Variants in PEX14 observed in about 807,000 individuals in gnomAD.
PEX14 encodes the protein peroxisomal membrane protein PEX14.
In PEX14, 15 loss-of-function variants were observed where a neutral mutation model predicts 49.5. That is an observed-to-expected ratio of 0.30 (90% CI 0.20 to 0.47). The LOEUF is 0.47. Ranked by LOEUF, PEX14 falls within the 20% of genes least tolerant of loss-of-function variation. PEX14 has a pLI of 1.00. For missense variants in PEX14, 398 were observed against 494.8 expected (o/e 0.80, Z 1.86); for synonymous variants, 210 against 212.7 (o/e 0.99, Z 0.11).
At position 10,624,426 on chromosome 1, in the gene PEX14, G is replaced by A. The variant is rs1302361139; in HGVS notation, c.574G>A (p.Ala192Thr). The A allele has an allele frequency of 6.2e-7, 1 of 1,609,818 alleles. No individual in the cohort carries two copies. The highest frequency in any genetic ancestry group is 1.3e-5 in the African/African-American group (1 of 74,848). ...GATCCAGGAGCTTGCCCACGAGCTGGCCGCTGCCAAGGTACCTGTCTCTGC... is the reference window on the plus strand; with the variant it reads ...GATCCAGGAGCTTGCCCACGAGCTGACCGCTGCCAAGGTACCTGTCTCTGC... ...QKIQELAHEL[A>T]AAKATTSTNW... Residue 192 changes from alanine (A) to threonine (T), a missense_variant, in exon 7 of 9, where the codon GCC becomes ACC. Physicochemically the swap from Ala to Thr is moderately conservative, Grantham distance 58. Transcript: ENST00000356607.
In PEX14 at chr1:10,613,282, T is replaced by C. The variant is rs1170800370; in HGVS notation, c.299-5050T>C. 6.6e-6 allele frequency among the ~76,000 whole-genome samples: 1 copy of C among 152,224 alleles called. No individual in the cohort carries two copies. Among genetic ancestry groups the C allele is most frequent in the Non-Finnish European group, 1.5e-5 (1 of 68,038 alleles). ...AAGAAACAGAGTCATGTTGGTTTTG[T>C]TGGTGTTCAGTGAATAGTTAGGAGC... On this transcript the variant is annotated intron_variant, in intron 4 of 8. Transcript: ENST00000356607. The surrounding 1 kb of genome is among the most constrained non-coding windows in gnomAD (Gnocchi z 5.0).
At chr1:10,567,549 A>G (rs1048379529) in intron 3 of PEX14, among the ~76,000 whole-genome samples, 2 of 152,178 alleles carry the variant, frequency 1.3e-5, no homozygotes, top group African/African-American at 4.8e-5. Context: ...ATTGGAGGGC[A>G]GTGGCATGAT....
At chr1:10,600,995 C>T (rs1238009812) in intron 4 of PEX14, among the ~76,000 whole-genome samples, 1 of 151,962 alleles carries the variant, frequency 6.6e-6, no homozygotes, top group Non-Finnish European at 1.5e-5. Flanking sequence ...GGCGCGGTGG[C>T]TCACGCCTGT....
intron 3 of PEX14, among the ~76,000 whole-genome samples, chr1:10,557,687 T>G (rs758528676): frequency 1.3e-5 from 2 of 152,192 alleles, no homozygotes; most frequent in Non-Finnish European, 2.9e-5. Flanking sequence ...TTTAAAAAGG[T>G]GATTTCAGCT....
chr1:10,592,142 C>T (rs1250811062), intron 3 of PEX14, among the ~76,000 whole-genome samples: 1 of 152,152 alleles, frequency 6.6e-6, no homozygotes. Flanking sequence ...TTTGACTTTT[C>T]CATGCATGCA....
intron 5 of PEX14, 144 bp downstream of exon 5, chr1:10,618,561 G>T: frequency 1.4e-6 from 1 of 728,044 alleles, no homozygotes; most frequent in South Asian, 1.5e-5. Flanking sequence ...TAGAGGTCGG[G>T]GTTCACAGCT....
At chr1:10,562,645 T>TTGTTCTGTGATTTCACTTTGATC (rs1639682132) in intron 3 of PEX14, among the ~76,000 whole-genome samples, 1 of 152,230 alleles carries the variant, frequency 6.6e-6, no homozygotes, top group Non-Finnish European at 1.5e-5. Flanking sequence ...TGATTTTGAT[T>TTGTTCTGTGATTTCACTTTGATC]TGTTCTGTGA....
intron 3 of PEX14, among the ~76,000 whole-genome samples, chr1:10,590,141 A>G (rs1327044933): frequency 6.6e-6 from 1 of 152,028 alleles, no homozygotes; most frequent in East Asian, 1.9e-4. Context: ...TTCCCCTGTA[A>G]ATGGGGAGAA....
intron 4 of PEX14, among the ~76,000 whole-genome samples, chr1:10,606,520 G>T (rs1167145859): frequency 1.4e-5 from 2 of 146,828 alleles, no homozygotes; most frequent in Non-Finnish European, 3.0e-5. Flanking sequence ...TAAATACTGG[G>T]TTTAGGATAA....
chr1:10,506,540 G>T (rs1271435603), intron 2 of PEX14, among the ~76,000 whole-genome samples: 1 of 152,230 alleles, frequency 6.6e-6, no homozygotes, highest in African/African-American at 2.4e-5. Context: ...GCCTCCCAAA[G>T]TTCTGGGATT....
At chr1:10,625,254 G>C (rs542010966) in intron 7 of PEX14, among the ~76,000 whole-genome samples, 3 of 152,102 alleles carry the variant, frequency 2.0e-5, no homozygotes, top group South Asian at 2.1e-4. Flanking sequence ...CAGACAGACC[G>C]GGCCCAGGAG....
intron 3 of PEX14, among the ~76,000 whole-genome samples, chr1:10,596,790 C>A (rs1226165815): frequency 6.6e-6 from 1 of 152,182 alleles, no homozygotes; most frequent in Non-Finnish European, 1.5e-5. Flanking sequence ...AGAAAGGATT[C>A]ATTTACTGTA....
intron 2 of PEX14, among the ~76,000 whole-genome samples, chr1:10,504,030 G>A (rs1016513613): frequency 6.6e-6 from 1 of 152,034 alleles, no homozygotes; most frequent in Non-Finnish European, 1.5e-5. Context: ...CACTGTGCCC[G>A]GCCCATTTTC....
rs1470951803 is a variant in PEX14, at chr1:10,613,476, C to T, written c.299-4856C>T. Among the ~76,000 whole-genome samples the T allele has an allele frequency of 6.6e-6, 1 of 152,164 alleles. No individual in the cohort carries two copies. The highest frequency in any genetic ancestry group is 2.4e-5 in the African/African-American group (1 of 41,446). ...GCCCTTTGCTCTATAGCAGTTTATC[C>T]CCTGACCTCATTGCAGCCCACAGCG... On this transcript the variant is annotated intron_variant, in intron 4 of 8. Coordinates refer to ENST00000356607, the MANE Select transcript of PEX14 (RefSeq NM_004565.3). The surrounding 1 kb of genome is among the most constrained non-coding windows in gnomAD (Gnocchi z 5.0).
chr1:10,542,602 A>G (rs1639049060), intron 3 of PEX14, among the ~76,000 whole-genome samples: 1 of 152,214 alleles, frequency 6.6e-6, no homozygotes, highest in African/African-American at 2.4e-5. Context: ...TCTACTAAAA[A>G]TACAAAAAAT....
chr1:10,581,731 TA>T (rs1640326792), intron 3 of PEX14, among the ~76,000 whole-genome samples: 3 of 146,670 alleles, frequency 2.0e-5, no homozygotes, highest in African/African-American at 7.3e-5. Flanking sequence ...AAGTTTATAA[TA>T]ATTTATATTT....
intron 3 of PEX14, among the ~76,000 whole-genome samples, chr1:10,591,649 G>GTA (rs1170195981): frequency 6.6e-6 from 1 of 150,898 alleles, no homozygotes; most frequent in Non-Finnish European, 1.5e-5. Flanking sequence ...GTGTGTGTGT[G>GTA]TGTGTGTGTG....
intron 1 of PEX14, 140 bp downstream of exon 1, chr1:10,475,142 CCCTCCCCAGGT>C (rs1641171828): frequency 5.1e-6 from 4 of 779,950 alleles, no homozygotes; most frequent in South Asian, 1.5e-5. Flanking sequence ...TGAGCCCCGC[CCCTCCCCAGGT>C]CCTCCCCACC....
At position 10,629,476 on chromosome 1, in the gene PEX14, G is replaced by A. The variant is rs1044493722; in HGVS notation, c.678-55G>A. 16 of 1,308,568 alleles carry A rather than the reference G, an allele frequency of 1.2e-5. No homozygotes were observed. The highest frequency in any genetic ancestry group is 2.4e-5 in the South Asian group (2 of 84,442). The allele number at this position is 1,308,568 out of a possible 1,614,324, so 81.1% of individuals were successfully genotyped here. ...CGGGTCAGGGAAGGCGTGGCCCTTCGAAGGGGGGCGTCCTGAATGCCGCCA... is the reference window on the plus strand; with the variant it reads ...CGGGTCAGGGAAGGCGTGGCCCTTCAAAGGGGGGCGTCCTGAATGCCGCCA... On this transcript the variant is annotated intron_variant, in intron 8 of 8. Coordinates refer to ENST00000356607, the MANE Select transcript of PEX14 (RefSeq NM_004565.3). The surrounding 1 kb of genome is among the most constrained non-coding windows in gnomAD (Gnocchi z 8.5).
Sources: gnomAD v4.1 joint callset for allele counts (sites outside exome capture counted in the v4.1 genomes callset) on GRCh38, gnomAD v4.1.1 for gene constraint, Gnocchi (gnomAD v3.1) non-coding constraint, MANE v1.5 for transcripts, NCBI Gene and HGNC (gene_info 2026-07-23, HGNC 2026-07-21) for gene names.